BTBD19: variants seen among roughly 807,000 people sequenced by gnomAD.
BTBD19 encodes the protein BTB/POZ domain-containing protein 19.
BTBD19 carries 20 observed loss-of-function variants against 36.1 expected under a neutral mutation model. That is an observed-to-expected ratio of 0.55 (90% confidence interval 0.39 to 0.80). BTBD19 has a LOEUF of 0.80. Among genes scored for constraint, BTBD19 ranks in the 30% least tolerant of loss-of-function variants. The probability of loss-of-function intolerance (pLI) is 0.00; values close to 1 mark genes in which losing one functional copy is unlikely to be tolerated. For missense variants in BTBD19, 325 were observed against 389.8 expected, an observed-to-expected ratio of 0.83 and a Z score of 1.40; for synonymous variants, 157 against 174.3, an observed-to-expected ratio of 0.90 and a Z score of 0.78.
At chr1:44,811,610 T>C (rs1056790581) in intron 3 of BTBD19, 2 of 194,296 alleles carry the variant, frequency 1.0e-5, no homozygotes, top group African/African-American at 2.3e-5. Flanking sequence ...GGAGAAGGGA[T>C]TGGAAGAGGT....
intron 4 of BTBD19, chr1:44,812,491 G>A (rs1314402682): frequency 4.4e-6 from 2 of 454,110 alleles, no homozygotes; most frequent in Non-Finnish European, 8.8e-6. Flanking sequence ...GGATCAAGAG[G>A]TCAGGAGATC....
chr1:44,812,837 G>GTA (rs1652487339), intron 4 of BTBD19, among the ~76,000 whole-genome samples, 159 bp from the exon 5 acceptor site: 1 of 132,916 alleles, frequency 7.5e-6, no homozygotes, highest in Non-Finnish European at 1.6e-5. Context: ...GTGTGTGTGT[G>GTA]TAGCAGGCTT....
intron 3 of BTBD19, 188 bp from the exon 4 acceptor site, chr1:44,811,851 A>T: frequency 2.7e-6 from 1 of 373,586 alleles, no homozygotes; most frequent in Admixed American, 3.4e-5. Flanking sequence ...TGGTTTTGCT[A>T]GTCTCCAGTT....
In BTBD19 at chr1:44,813,176, G is replaced by A. The variant is rs1652511043; in HGVS notation, c.522G>A (p.Ala174=). The A allele has an allele frequency of 2.6e-6, 4 of 1,539,628 alleles. No homozygotes were observed. The highest frequency in any genetic ancestry group is 1.7e-4 in the Middle Eastern group (1 of 5,958). ...CCCGAGGCTTCCTGGAGCTGTCGGC[G>A]GCCGCGCTGCTGCCCCTGCTCCGCA... The change falls in exon 6 of 8, where the codon GCG becomes GCA. Residue 174 remains alanine (A), a synonymous_variant. Transcript: ENST00000450269. The surrounding 1 kb of genome is among the most constrained non-coding windows in gnomAD (Gnocchi z 7.8).
chr1:44,812,163 C>G, intron 4 of BTBD19, 65 bp downstream of exon 4: 1 of 1,172,730 alleles, frequency 8.5e-7, no homozygotes. Context: ...CTCCCAGCAC[C>G]TGGGAGCCTG....
At position 44,810,353 on chromosome 1, in the gene BTBD19, C is replaced by G. The variant is rs191977029; in HGVS notation, c.227C>G (p.Thr76Ser). The G allele has an allele frequency of 5.2e-3, 8,107 of 1,551,766 alleles. 32 individuals carry two copies. Among genetic ancestry groups the G allele is most frequent in the Admixed American group, 6.6e-3 (335 of 51,004 alleles). Residue 76 changes from threonine (T) to serine (S), a missense_variant, in exon 2 of 8, where the codon ACT (threonine) becomes AGT (serine). Physicochemically the swap from Thr to Ser is moderately conservative, Grantham distance 58. Transcript: ENST00000450269. This position sits in a 1 kb window ranked among gnomAD's most constrained non-coding sequence, Gnocchi z 4.2. ...GTGCCCAGTCCTGTGGTGCTAAGCA[C>G]TGTGCCAACTGAGGCCTTCCTGGCA...
downstream of BTBD19, chr1:44,814,429 C>G (rs2148866714): frequency 1.3e-5 from 2 of 151,978 alleles, no homozygotes; most frequent in East Asian, 3.9e-4. Flanking sequence ...TCCGGAGTAG[C>G]TGGTACTACA....
Position 44,809,029 on chromosome 1 carries a change from G to A in BTBD19, c.86+123G>A, listed in dbSNP as rs1009755168. On this transcript the variant is annotated intron_variant, in intron 1 of 7. Coordinates refer to ENST00000450269, the Ensembl canonical transcript of BTBD19. ...TTGGCCATCCTCCCTGGTGAACTTA[G>A]GCTATGGGGAGGTCAAATGTGGAAC... 1.4e-5 allele frequency: 11 copies of A among 799,334 alleles called. No individual in the cohort carries two copies. The Admixed American group carries it at 3.8e-4, about 27-fold the overall frequency. 49.5% of individuals were successfully genotyped at this position (799,334 alleles called of 1,614,324 possible).
chr1:44,812,495 G>T (rs1211284155), intron 4 of BTBD19: 1 of 454,028 alleles, frequency 2.2e-6, no homozygotes. Flanking sequence ...CAAGAGGTCA[G>T]GAGATCGAGA....
intron 1 of BTBD19, among the ~76,000 whole-genome samples, chr1:44,809,808 T>C (rs531594890): frequency 6.6e-6 from 1 of 152,220 alleles, no homozygotes; most frequent in African/African-American, 2.4e-5. Flanking sequence ...AAAGCTGAGT[T>C]TGCAGCTGGT....
In BTBD19 at chr1:44,810,108, A is replaced by G. The variant is rs1652327716; in HGVS notation, c.87-105A>G. The G allele has an allele frequency of 9.7e-7, 1 of 1,032,316 alleles. No homozygotes were observed. The highest frequency in any genetic ancestry group is 1.4e-5 in the South Asian group (1 of 69,378). 63.9% of individuals were successfully genotyped at this position (1,032,316 alleles called of 1,614,324 possible). ...CTGGAGGGACGAAGCCCTGTCTCTT[A>G]CATTCTGGTTAGGAAACTAAGACCC... On this transcript the variant is annotated intron_variant, in intron 1 of 7. Transcript: ENST00000450269. This position sits in a 1 kb window ranked among gnomAD's most constrained non-coding sequence, Gnocchi z 4.2.
rs1231105692 is a variant in BTBD19 at position 44,813,056 on chromosome 1, C to T, written c.475C>T (p.His159Tyr). The stretch of plus-strand genomic sequence containing the variant: ...GCGCTGCGTGGCTTTCATAGAGGCC[C>T]ACAGCCAGGTACTGCTCCCTTCATA... Residue 159 changes from histidine (H) to tyrosine (Y), a missense_variant, in exon 5 of 8, where the codon CAC (histidine) becomes TAC (tyrosine). Physicochemically the swap from His to Tyr is moderately conservative, Grantham distance 83. Transcript: ENST00000450269. The surrounding 1 kb of genome is among the most constrained non-coding windows in gnomAD (Gnocchi z 7.8). 6.4e-7 allele frequency: 1 copy of T among 1,551,458 alleles called. No homozygotes were observed. Among genetic ancestry groups the T allele is most frequent in the Non-Finnish European group, 8.7e-7 (1 of 1,146,802 alleles).
intron 3 of BTBD19, chr1:44,811,740 A>G: frequency 3.3e-6 from 1 of 306,050 alleles, no homozygotes; most frequent in Middle Eastern, 1.2e-3. Flanking sequence ...GAAGGGAACA[A>G]GTGGAGGAAG....
Position 44,813,979 on chromosome 1 carries a change from G to A in BTBD19, c.*207G>A. ...GCGAGGTGGGGTCGGGCCGGGCAGG[G>A]CTTGGGCTGGGCCTCCCTGAGGGGG... On this transcript the variant is annotated 3_prime_UTR_variant, in exon 8 of 8. Coordinates refer to ENST00000450269, the Ensembl canonical transcript of BTBD19. The surrounding 1 kb of genome is among the most constrained non-coding windows in gnomAD (Gnocchi z 7.8). The A allele has an allele frequency of 1.3e-6, 1 of 789,046 alleles. No homozygotes were observed. The highest frequency in any genetic ancestry group is 2.0e-6 in the Non-Finnish European group (1 of 506,444). The allele number at this position is 789,046 out of a possible 1,614,324, so 48.9% of individuals were successfully genotyped here.
Position 44,812,223 on chromosome 1 carries a change from G to C in BTBD19, c.414+125G>C, listed in dbSNP as rs1003900227. On this transcript the variant is annotated intron_variant, in intron 4 of 7. Coordinates refer to ENST00000450269, the Ensembl canonical transcript of BTBD19. The stretch of plus-strand genomic sequence containing the variant: ...TAACTTGGGTACATGGTGGTGGTGG[G>C]GGTGCTCCAAGGATGTTTATAGGAT... The C allele has an allele frequency of 4.5e-6, 3 of 660,174 alleles. No individual in the cohort carries two copies. The African/African-American group carries it at 5.6e-5, about 12-fold the overall frequency. The allele number at this position is 660,174 out of a possible 1,614,324, so 40.9% of individuals were successfully genotyped here.
Position 44,813,936 on chromosome 1 carries a change from G to C in BTBD19, c.*164G>C. On this transcript the variant is annotated 3_prime_UTR_variant, in exon 8 of 8. Coordinates refer to ENST00000450269, the Ensembl canonical transcript of BTBD19. This position sits in a 1 kb window ranked among gnomAD's most constrained non-coding sequence, Gnocchi z 7.8. ...GTCTGCCACGCGCAGCCCCTTGTGC[G>C]GGATCAAGCCCGTGTGGGCGAGGTG... is the stretch of plus-strand genomic sequence containing the variant. 1.7e-6 allele frequency: 2 copies of C among 1,205,174 alleles called. No individual in the cohort carries two copies. Among genetic ancestry groups the C allele is most frequent in the Non-Finnish European group, 2.3e-6 (2 of 861,772 alleles). 74.7% of individuals were successfully genotyped at this position (1,205,174 alleles called of 1,614,324 possible). A position where few individuals can be genotyped will look rare whatever the true frequency, so the allele number is the denominator to read the frequency against.
chr1:44,815,562 T>TAA (rs1356229043), downstream of BTBD19: 6 of 146,078 alleles, frequency 4.1e-5, no homozygotes, highest in East Asian at 1.2e-3. Flanking sequence ...ATGTAAATGT[T>TAA]AAGTAAATGA....
chr1:44,811,908 G>A (rs1652432695), intron 3 of BTBD19, 131 bp from the exon 4 acceptor site: 3 of 638,348 alleles, frequency 4.7e-6, no homozygotes, highest in Non-Finnish European at 7.7e-6. Flanking sequence ...TGCCTCCCCT[G>A]GCCTGGGTCA....
chr1:44,808,991 T>C (rs1229225923), intron 1 of BTBD19, 85 bp downstream of exon 1: 1 of 1,203,264 alleles, frequency 8.3e-7, no homozygotes, highest in Non-Finnish European at 1.1e-6. Context: ...GAGAAGAGGC[T>C]GGGAATTAGA....
Sources: allele counts gnomAD v4.1 joint callset (sites outside exome capture counted in the v4.1 genomes callset), GRCh38; gene constraint gnomAD v4.1.1; non-coding constraint Gnocchi (gnomAD v3.1); transcripts MANE v1.5; gene names NCBI Gene and HGNC (gene_info 2026-07-23, HGNC 2026-07-21).